Variants in CPPED1 observed in about 807,000 individuals in gnomAD.
CPPED1 encodes the protein serine/threonine-protein phosphatase CPPED1.
CPPED1 carries 28 observed loss-of-function variants against 28.0 expected under a neutral mutation model. That is an observed-to-expected ratio of 1.00 (90% CI 0.74 to 1.37). The LOEUF (loss-of-function observed/expected upper bound fraction) is 1.37, where lower values mean the gene tolerates loss of function less well. Ranked by LOEUF, CPPED1 falls within the 40% of genes most tolerant of loss-of-function variation. CPPED1 has a pLI of 0.00. For missense variants in CPPED1, 504 were observed against 416.5 expected (o/e 1.21, Z -1.83); for synonymous variants, 198 against 180.2 (o/e 1.10, Z -0.79).
At chr16:12,697,470 CT>C (rs1355527466) in intron 3 of CPPED1, among the ~76,000 whole-genome samples, 2 of 152,118 alleles carry the variant, frequency 1.3e-5, no homozygotes, top group Admixed American at 6.5e-5. Flanking sequence ...CTGGGCAGAC[CT>C]TTCTGTCAGT....
chr16:12,746,167 G>C (rs1470727529), intron 2 of CPPED1, among the ~76,000 whole-genome samples: 1 of 152,140 alleles, frequency 6.6e-6, no homozygotes, highest in African/African-American at 2.4e-5. Context: ...CTGAAGTCAG[G>C]AGTTCGAGAC....
intron 2 of CPPED1, among the ~76,000 whole-genome samples, chr16:12,732,106 G>A (rs1264158587): frequency 2.0e-5 from 3 of 150,762 alleles, no homozygotes; most frequent in South Asian, 2.1e-4. Flanking sequence ...GCAGTGAGCC[G>A]AAATCGCACT....
chr16:12,698,907 C>T (rs541091436), intron 3 of CPPED1, among the ~76,000 whole-genome samples: 1 of 152,214 alleles, frequency 6.6e-6, no homozygotes, highest in East Asian at 1.9e-4. Context: ...TTGCTCTGGG[C>T]TCTCTAACAC....
chr16:12,736,375 G>C (rs2030907758), intron 2 of CPPED1, among the ~76,000 whole-genome samples: 3 of 151,714 alleles, frequency 2.0e-5, no homozygotes, highest in South Asian at 2.1e-4. Context: ...GGGTAGCTAA[G>C]ATTACAGGCA....
chr16:12,749,858 G>T (rs1230239371), intron 2 of CPPED1, among the ~76,000 whole-genome samples: 2 of 152,138 alleles, frequency 1.3e-5, no homozygotes, highest in East Asian at 3.9e-4. Context: ...CCAAAGTGCT[G>T]GGATTACATG....
chr16:12,675,768 T>G (rs2079874674), intron 3 of CPPED1, among the ~76,000 whole-genome samples: 1 of 152,198 alleles, frequency 6.6e-6, no homozygotes, highest in Admixed American at 6.5e-5. Flanking sequence ...AAAACTGCAT[T>G]GCAAACCATC....
At chr16:12,793,804 T>C (rs543824666) in intron 1 of CPPED1, among the ~76,000 whole-genome samples, 1 of 152,316 alleles carries the variant, frequency 6.6e-6, no homozygotes, top group African/African-American at 2.4e-5. Flanking sequence ...CATATATATT[T>C]ACATGCTTTG....
intron 3 of CPPED1, among the ~76,000 whole-genome samples, chr16:12,672,126 T>C (rs892118721): frequency 2.0e-5 from 3 of 152,278 alleles, no homozygotes; most frequent in African/African-American, 7.2e-5. Context: ...GACACTGTGA[T>C]GTCTGCAACA....
chr16:12,724,506 A>T (rs1430556728), intron 2 of CPPED1, among the ~76,000 whole-genome samples: 1 of 152,026 alleles, frequency 6.6e-6, no homozygotes, highest in Non-Finnish European at 1.5e-5. Context: ...GGCCTCTTCC[A>T]ATCACAAACG....
At chr16:12,683,782 T>C (rs979349335) in intron 3 of CPPED1, among the ~76,000 whole-genome samples, 1 of 152,176 alleles carries the variant, frequency 6.6e-6, no homozygotes, top group Non-Finnish European at 1.5e-5. Flanking sequence ...TGTCAGTGGC[T>C]ATGGTGGCTT....
At chr16:12,759,163 T>TACAAAAAAAAAAAA (rs750180409) in intron 2 of CPPED1, 1 of 74,360 alleles carries the variant, frequency 1.3e-5, no homozygotes, top group African/African-American at 5.4e-5. Flanking sequence ...ACTCTGTCTC[T>TACAAAAAAAAAAAA]AAAAAAAAAA....
chr16:12,794,694 G>T (rs2141246093), intron 1 of CPPED1, among the ~76,000 whole-genome samples: 1 of 152,290 alleles, frequency 6.6e-6, no homozygotes, highest in East Asian at 1.9e-4. Flanking sequence ...CATCAAGTCA[G>T]TGCTCAAAAA....
At chr16:12,799,661 G>A (rs1490976812) in intron 1 of CPPED1, among the ~76,000 whole-genome samples, 4 of 152,202 alleles carry the variant, frequency 2.6e-5, no homozygotes, top group East Asian at 3.9e-4. Context: ...AGTTGCCAGC[G>A]ATGCTAATAG....
chr16:12,741,099 T>G (rs1257747425), intron 2 of CPPED1, among the ~76,000 whole-genome samples: 1 of 152,082 alleles, frequency 6.6e-6, no homozygotes, highest in Admixed American at 6.6e-5. Flanking sequence ...AGCAATATAA[T>G]GGGGCCCAAT....
chr16:12,671,860 T>C (rs2079854348), intron 3 of CPPED1, among the ~76,000 whole-genome samples: 1 of 152,212 alleles, frequency 6.6e-6, no homozygotes, highest in Non-Finnish European at 1.5e-5. Context: ...CTTCTCTATG[T>C]CTAGATACAC....
At chr16:12,747,962 C>T (rs1015959335) in intron 2 of CPPED1, among the ~76,000 whole-genome samples, 1 of 152,208 alleles carries the variant, frequency 6.6e-6, no homozygotes, top group African/African-American at 2.4e-5. Flanking sequence ...GCCCGTCTCA[C>T]ACCCAAGAGA....
chr16:12,762,902 C>A (rs936386653), intron 2 of CPPED1, among the ~76,000 whole-genome samples: 6 of 151,902 alleles, frequency 3.9e-5, no homozygotes, highest in African/African-American at 1.5e-4. Context: ...CACCACCACA[C>A]CCAGCTAATT....
At position 12,660,059 on chromosome 16, in the gene CPPED1, A is replaced by T. The variant is rs999654589; in HGVS notation, c.*4827T>A. 8.5e-5 allele frequency: 13 copies of T among 152,222 alleles called. No homozygotes were observed. Among genetic ancestry groups the T allele is most frequent in the African/African-American group, 3.1e-4 (13 of 41,464 alleles). 9.4% of individuals were successfully genotyped at this position (152,222 alleles called of 1,614,324 possible). A position where few individuals can be genotyped will look rare whatever the true frequency, so the allele number is the denominator to read the frequency against. On this transcript the variant is annotated 3_prime_UTR_variant, in exon 4 of 4. Coordinates refer to ENST00000381774, the MANE Select transcript of CPPED1 (RefSeq NM_018340.3). ...CCCTTGACACATGGGGATTATGGGG[A>T]TTACAATTCGAGATGAGATTTCAGT... is the stretch of plus-strand genomic sequence containing the variant.
intron 2 of CPPED1, among the ~76,000 whole-genome samples, chr16:12,711,161 G>C (rs976294982): frequency 6.6e-6 from 1 of 152,220 alleles, no homozygotes; most frequent in Non-Finnish European, 1.5e-5. Context: ...CCATAATAAA[G>C]AAGGGAATTC....
Sources: gnomAD v4.1 joint callset for allele counts (sites outside exome capture counted in the v4.1 genomes callset) on GRCh38, gnomAD v4.1.1 for gene constraint, MANE v1.5 for transcripts, NCBI Gene and HGNC (gene_info 2026-07-23, HGNC 2026-07-21) for gene names.